DYRK1A: variants seen among roughly 807,000 people sequenced by gnomAD.
DYRK1A encodes dual specificity tyrosine-phosphorylation-regulated kinase 1A.
Under a neutral mutation model 79.7 loss-of-function variants are expected in DYRK1A, and 9 were observed. That is an observed-to-expected ratio of 0.11 (90% CI 0.07 to 0.20). The LOEUF (loss-of-function observed/expected upper bound fraction) is 0.20. Ranked by LOEUF, DYRK1A falls within the 10% of genes least tolerant of loss-of-function variation. The pLI, the probability that DYRK1A is intolerant of heterozygous loss-of-function variation, is 1.00. For missense variants in DYRK1A, 622 were observed against 956.0 expected, an observed-to-expected ratio of 0.65 and a Z score of 4.61; for synonymous variants, 349 against 329.7, an observed-to-expected ratio of 1.06 and a Z score of -0.63.
At chr21:37,441,008 CTT>C (rs1459775814) in intron 2 of DYRK1A, among the ~76,000 whole-genome samples, 2 of 152,014 alleles carry the variant, frequency 1.3e-5, no homozygotes, top group Admixed American at 6.6e-5. Context: ...ATTGAAATCT[CTT>C]AATATAATTG....
rs952441500 is a variant in DYRK1A at position 37,516,510 on chromosome 21, A to G, written c.*3979A>G. 6.6e-5 allele frequency: 10 copies of G among 152,310 alleles called. No homozygotes were observed. The East Asian group carries it at 1.9e-3, about 29-fold the overall frequency. 9.4% of individuals were successfully genotyped at this position (152,310 alleles called of 1,614,324 possible). A position where few individuals can be genotyped will look rare whatever the true frequency, so the allele number is the denominator to read the frequency against. ...AGAAGAAACCCTAAGAAGATAGCTT[A>G]TTTGTTATCCTCCCTTTTAATGACT... On this transcript the variant is annotated 3_prime_UTR_variant, in exon 12 of 12. Transcript: ENST00000647188.
intron 1 of DYRK1A, among the ~76,000 whole-genome samples, chr21:37,418,478 A>G (rs944282738): frequency 6.6e-6 from 1 of 152,186 alleles, no homozygotes; most frequent in Non-Finnish European, 1.5e-5. Context: ...TGTGTCAGTA[A>G]TATCTACTTC....
intron 2 of DYRK1A, among the ~76,000 whole-genome samples, chr21:37,441,217 T>C (rs1181088468): frequency 6.6e-6 from 1 of 152,186 alleles, no homozygotes. Context: ...TGTCTTAATT[T>C]TGATAGCATG....
chr21:37,378,815 T>A (rs2148366395), intron 1 of DYRK1A, among the ~76,000 whole-genome samples: 1 of 152,188 alleles, frequency 6.6e-6, no homozygotes, highest in East Asian at 1.9e-4. Context: ...CGTTAACAGT[T>A]AGAGGGGTTG....
chr21:37,440,242 T>A (rs1214578208), intron 2 of DYRK1A, among the ~76,000 whole-genome samples: 1 of 148,502 alleles, frequency 6.7e-6, no homozygotes, highest in African/African-American at 2.5e-5. Context: ...TTCAAGTGAT[T>A]CTCCTGCCTC....
chr21:37,404,038 T>C (rs2050105892), intron 1 of DYRK1A, among the ~76,000 whole-genome samples: 1 of 152,154 alleles, frequency 6.6e-6, no homozygotes, highest in Admixed American at 6.6e-5. Context: ...TGGAGTAGGC[T>C]GTATGCTAGA....
intron 1 of DYRK1A, chr21:37,419,940 C>G (rs553792924): frequency 1.3e-5 from 2 of 153,294 alleles, no homozygotes; most frequent in South Asian, 2.0e-4. Context: ...ATTCGTGTTC[C>G]TCTTGATTTG....
chr21:37,374,292 C>T (rs533173447), intron 1 of DYRK1A, among the ~76,000 whole-genome samples: 95 of 150,462 alleles, frequency 6.3e-4, no homozygotes, highest in African/African-American at 1.7e-3. Flanking sequence ...TTTGAGTCAC[C>T]GAACACTGCA....
chr21:37,503,059 T>C (rs941029447), intron 9 of DYRK1A: 11 of 150,402 alleles, frequency 7.3e-5, no homozygotes, highest in African/African-American at 2.7e-4. Flanking sequence ...TAATATTTTC[T>C]CTTTGTTTGA....
At chr21:37,407,831 G>A (rs2050175531) in intron 1 of DYRK1A, among the ~76,000 whole-genome samples, 1 of 152,322 alleles carries the variant, frequency 6.6e-6, no homozygotes, top group East Asian at 1.9e-4. Context: ...GCGAGAGAAT[G>A]GCAGCTGATC....
intron 2 of DYRK1A, among the ~76,000 whole-genome samples, chr21:37,452,517 G>A (rs1323895611): frequency 6.6e-6 from 1 of 152,160 alleles, no homozygotes; most frequent in African/African-American, 2.4e-5. Flanking sequence ...ATAGCATGCC[G>A]TGCTTTCCAG....
At position 37,520,435 on chromosome 21, in the gene DYRK1A, C is replaced by A. The variant is rs1254357213; in HGVS notation, c.*7904C>A. The A allele has an allele frequency of 6.6e-6, 1 of 152,130 alleles. No individual in the cohort carries two copies. Among genetic ancestry groups the A allele is most frequent in the South Asian group, 2.1e-4 (1 of 4,822 alleles). 9.4% of individuals were successfully genotyped at this position (152,130 alleles called of 1,614,324 possible). Reference sequence around the variant, plus strand: ...TGCTGCTTTTTTCTTCTTCTTTATTCTGTTGACTTTGTTGATAATATTAGG... The same window carrying A: ...TGCTGCTTTTTTCTTCTTCTTTATTATGTTGACTTTGTTGATAATATTAGG... On this transcript the variant is annotated 3_prime_UTR_variant, in exon 12 of 12. Coordinates refer to ENST00000647188, the MANE Select transcript of DYRK1A (RefSeq NM_001347721.2).
intron 2 of DYRK1A, among the ~76,000 whole-genome samples, chr21:37,462,422 G>A (rs533548933): frequency 3.7e-4 from 57 of 152,320 alleles, no homozygotes; most frequent in African/African-American, 1.3e-3. Context: ...AGCCCTAAAT[G>A]TGGATTTTCT....
intron 1 of DYRK1A, among the ~76,000 whole-genome samples, chr21:37,390,873 T>TA (rs1217959483): frequency 3.9e-5 from 6 of 152,216 alleles, no homozygotes; most frequent in Non-Finnish European, 8.8e-5. Flanking sequence ...CCCGGCCTGT[T>TA]ACTGTTTTTC....
At chr21:37,504,643 G>GT (rs2053542460) in intron 9 of DYRK1A, 1 of 152,232 alleles carries the variant, frequency 6.6e-6, no homozygotes, top group Admixed American at 6.5e-5. Context: ...TCAAAAATGA[G>GT]TTTTCAGGAA....
In DYRK1A at chr21:37,496,189, A is replaced by G. The variant is rs1220036714; in HGVS notation, c.1143A>G (p.Lys381=). 3 of 1,614,152 alleles carry G rather than the reference A, an allele frequency of 1.9e-6. No homozygotes were observed. Among genetic ancestry groups the G allele is most frequent in the South Asian group, 2.2e-5 (2 of 91,074 alleles). The change falls in exon 9 of 12, where the codon AAA becomes AAG. Residue 381 remains lysine (K), a synonymous_variant. Coordinates refer to ENST00000647188, the MANE Select transcript of DYRK1A (RefSeq NM_001347721.2). ...PPAHILDQAP[K]ARKFFEKLPD... ...CTCATATTCTTGACCAAGCACCAAA[A>G]GCAAGAAAGTTCTTTGAGAAGTTGC...
intron 5 of DYRK1A, among the ~76,000 whole-genome samples, chr21:37,485,788 G>A (rs1344601076): frequency 1.3e-5 from 2 of 152,162 alleles, no homozygotes; most frequent in African/African-American, 4.8e-5. Context: ...CAGATTTCAA[G>A]TGAGAGGTGT....
chr21:37,371,102 A>C (rs2049419984), intron 1 of DYRK1A, among the ~76,000 whole-genome samples: 1 of 152,230 alleles, frequency 6.6e-6, no homozygotes, highest in Admixed American at 6.5e-5. Context: ...AAATTATATT[A>C]AATTACCTAA....
chr21:37,486,169 G>A lies in DYRK1A; in HGVS notation c.490-298G>A, dbSNP rs1408676614. On this transcript the variant is annotated intron_variant, in intron 5 of 11. Coordinates refer to ENST00000647188, the MANE Select transcript of DYRK1A (RefSeq NM_001347721.2). Reference sequence around the variant, plus strand: ...TCAAGAGTCATAATTTATTTCTGAAGGAGGAAAATAGTTAATTTAATTTTA... The same window carrying A: ...TCAAGAGTCATAATTTATTTCTGAAAGAGGAAAATAGTTAATTTAATTTTA... The A allele has an allele frequency of 4.0e-5, 7 of 174,190 alleles. No homozygotes were observed. The East Asian group carries it at 8.6e-4, about 21-fold the overall frequency. The allele number at this position is 174,190 out of a possible 1,614,324, so 10.8% of individuals were successfully genotyped here.
Sources: allele counts gnomAD v4.1 joint callset (sites outside exome capture counted in the v4.1 genomes callset), GRCh38; gene constraint gnomAD v4.1.1; transcripts MANE v1.5; gene names NCBI Gene and HGNC (gene_info 2026-07-23, HGNC 2026-07-21).